TPTE2: variants seen among roughly 807,000 people sequenced by gnomAD.
The protein encoded by TPTE2 is transmembrane phosphoinositide 3-phosphatase and tensin homolog 2.
In TPTE2, 53 loss-of-function variants were observed where a neutral mutation model predicts 78.6. The ratio of observed to expected loss-of-function variants is 0.67; its 90% CI spans 0.54 to 0.85. The LOEUF is 0.85. Ranked by LOEUF, TPTE2 falls within the 40% of genes least tolerant of loss-of-function variation. TPTE2 has a pLI of 0.00. For synonymous variants in TPTE2, 175 were observed against 206.2 expected (o/e 0.85, Z 1.30); for missense variants, 461 against 623.0 (o/e 0.74, Z 2.77).
intron 1 of TPTE2, among the ~76,000 whole-genome samples, chr13:19,515,237 CA>C (rs1469583368): frequency 6.6e-6 from 1 of 152,142 alleles, no homozygotes; most frequent in Non-Finnish European, 1.5e-5. Context: ...TGATCACATA[CA>C]TTTTTTTGCT....
At chr13:19,493,180 CA>C (rs71092367) in intron 2 of TPTE2, among the ~76,000 whole-genome samples, 141,908 of 147,608 alleles carry the variant, frequency 0.96, 68,320 homozygotes, top group Middle Eastern at 1. Flanking sequence ...AACTCTGTTA[CA>C]AAAAAAAAAA....
the TPTE2 span, chr13:19,560,813 C>A: frequency 1.1e-5 from 17 of 1,512,036 alleles, no homozygotes; most frequent in African/African-American, 1.9e-4. Context: ...CCCGCCCACC[C>A]CGGACGCGGT....
chr13:19,425,946 C>G, intron 18 of TPTE2: 1 of 457,026 alleles, frequency 2.2e-6, no homozygotes, highest in Non-Finnish European at 4.3e-6. Context: ...GTGCTCCCAG[C>G]TACTCGGGAG....
At chr13:19,479,418 C>T (rs1218106841) in intron 4 of TPTE2, among the ~76,000 whole-genome samples, 2 of 152,068 alleles carry the variant, frequency 1.3e-5, no homozygotes, top group African/African-American at 4.8e-5. Context: ...AAATGGGCTT[C>T]TGACTTGCAT....
At chr13:19,479,197 T>A (rs1880166761) in intron 4 of TPTE2, among the ~76,000 whole-genome samples, 1 of 152,128 alleles carries the variant, frequency 6.6e-6, no homozygotes, top group Non-Finnish European at 1.5e-5. Flanking sequence ...AAATAAATGA[T>A]TCTAAAAGTA....
the TPTE2 span, among the ~76,000 whole-genome samples, chr13:19,550,345 T>G: frequency 2.8e-4 from 42 of 152,328 alleles, 1 homozygote; most frequent in Non-Finnish European, 3.8e-4. Flanking sequence ...CTTAAGTGTT[T>G]CACTGCTGAT....
intron 3 of TPTE2, among the ~76,000 whole-genome samples, chr13:19,487,068 T>C (rs1379544877): frequency 1.3e-5 from 2 of 152,142 alleles, no homozygotes; most frequent in East Asian, 3.9e-4. Context: ...ACAGGACTAT[T>C]TCTCAGGCTC....
chr13:19,432,484 T>C (rs763289047), exon 16 of TPTE2: 1 of 1,596,932 alleles, frequency 6.3e-7, no homozygotes, highest in South Asian at 1.1e-5. Context: ...ACGAATCGAA[T>C]AAATAATGAA....
At chr13:19,560,867 C>G in the TPTE2 span, 1 of 1,564,604 alleles carries the variant, frequency 6.4e-7, no homozygotes, top group Non-Finnish European at 8.7e-7. Context: ...GCAGGCCTGA[C>G]AGGCCTTGCG....
rs577725859 is a variant in TPTE2, at chr13:19,430,439, A to AT, written c.1302+28dup. 601 of 1,556,332 alleles carry AT rather than the reference A, an allele frequency of 3.9e-4. 8 individuals carry two copies. The South Asian group carries it at 6.6e-3, about 17-fold the overall frequency. On this transcript the variant is annotated intron_variant, in intron 17 of 19. Coordinates refer to ENST00000400230, the Ensembl canonical transcript of TPTE2. ...CATTCAGCCTTAAAACAAACATCAG[A>AT]TTTTTTCAATTCACATGTTTTCTCT... is the stretch of plus-strand genomic sequence containing the variant.
intron 17 of TPTE2, among the ~76,000 whole-genome samples, chr13:19,429,669 G>A (rs561562949): frequency 1.3e-5 from 2 of 152,104 alleles, no homozygotes; most frequent in African/African-American, 2.4e-5. Flanking sequence ...CCTCAGTTGG[G>A]AGAGGCCAAA....
At chr13:19,517,444 G>A (rs1869870887) in intron 1 of TPTE2, among the ~76,000 whole-genome samples, 1 of 152,136 alleles carries the variant, frequency 6.6e-6, no homozygotes, top group South Asian at 2.1e-4. Context: ...ACTCTGTAAG[G>A]TCCCTGGGAG....
intron 3 of TPTE2, among the ~76,000 whole-genome samples, chr13:19,487,368 G>A (rs929292732): frequency 6.6e-6 from 1 of 152,062 alleles, no homozygotes; most frequent in Non-Finnish European, 1.5e-5. Flanking sequence ...GGGCTCCTGG[G>A]CAGGCCAGGA....
At chr13:19,475,489 G>C in intron 5 of TPTE2, 84 bp downstream of exon 8, 1 of 1,496,438 alleles carries the variant, frequency 6.7e-7, no homozygotes, top group Non-Finnish European at 9.1e-7. Flanking sequence ...GCCCCCCAGA[G>C]TGCTGGGATT....
At chr13:19,556,594 G>A in the TPTE2 span, among the ~76,000 whole-genome samples, 2 of 151,996 alleles carry the variant, frequency 1.3e-5, no homozygotes, top group South Asian at 2.1e-4. Flanking sequence ...TGGCATAATC[G>A]TGGCTCACTG....
At chr13:19,425,504 C>T (rs1047230241) in intron 18 of TPTE2, among the ~76,000 whole-genome samples, 29 of 152,106 alleles carry the variant, frequency 1.9e-4, no homozygotes, top group Non-Finnish European at 4.0e-4. Flanking sequence ...TGATATCTGC[C>T]TTATACAACC....
intron 10 of TPTE2, among the ~76,000 whole-genome samples, chr13:19,464,160 T>C (rs1381660256): frequency 6.6e-6 from 1 of 152,156 alleles, no homozygotes; most frequent in Non-Finnish European, 1.5e-5. Context: ...ATGAATGAGC[T>C]TAGTTGAGAC....
chr13:19,464,382 G>C, intron 10 of TPTE2, 74 bp downstream of exon 13: 2 of 1,364,696 alleles, frequency 1.5e-6, no homozygotes. Flanking sequence ...GCCATATCTG[G>C]GTCAATATTA....
At chr13:19,476,110 A>T (rs1410852611) in intron 4 of TPTE2, among the ~76,000 whole-genome samples, 1 of 152,170 alleles carries the variant, frequency 6.6e-6, no homozygotes, top group African/African-American at 2.4e-5. Context: ...TAGTGAACAG[A>T]TACACATGAG....
Sources: allele counts gnomAD v4.1 joint callset (sites outside exome capture counted in the v4.1 genomes callset), GRCh38; gene constraint gnomAD v4.1.1; transcripts MANE v1.5; gene names NCBI Gene and HGNC (gene_info 2026-07-23, HGNC 2026-07-21).